The following COBLL1 variants were observed in gnomAD, a reference collection of about 807,000 sequenced individuals.
The protein encoded by COBLL1 is cordon-bleu protein-like 1.
Under a neutral mutation model 94.8 loss-of-function variants are expected in COBLL1, and 50 were observed. The observed-to-expected ratio is 0.53, with a 90% CI of 0.42 to 0.67. The LOEUF is 0.67. Among genes scored for constraint, COBLL1 ranks in the 30% least tolerant of loss-of-function variants. The pLI is 0.00. For missense variants in COBLL1, 1,362 were observed against 1,348.7 expected, an observed-to-expected ratio of 1.01 and a Z score of -0.15; for synonymous variants, 448 against 473.8, an observed-to-expected ratio of 0.95 and a Z score of 0.71.
intron 2 of COBLL1, among the ~76,000 whole-genome samples, chr2:164,818,215 T>C (rs1302261066): frequency 7.1e-6 from 1 of 141,650 alleles, no homozygotes; most frequent in South Asian, 2.1e-4. Flanking sequence ...TGTGTGTATA[T>C]ATACATATAT....
intron 2 of COBLL1, among the ~76,000 whole-genome samples, chr2:164,784,328 C>T (rs1688847583): frequency 6.6e-6 from 1 of 152,118 alleles, no homozygotes; most frequent in Admixed American, 6.6e-5. Flanking sequence ...TGTATATAAT[C>T]CTAGGTCGTT....
At chr2:164,754,400 GA>G (rs1558983449) in intron 2 of COBLL1, among the ~76,000 whole-genome samples, 1 of 152,114 alleles carries the variant, frequency 6.6e-6, no homozygotes, top group Non-Finnish European at 1.5e-5. Flanking sequence ...ATTAGGTTAC[GA>G]AAAGACCATG....
chr2:164,700,428 C>T, intron 10 of COBLL1, 94 bp downstream of exon 10: 1 of 759,500 alleles, frequency 1.3e-6, no homozygotes, highest in Non-Finnish European at 2.1e-6. Flanking sequence ...AAAGGGCTGA[C>T]TATATTTATG....
chr2:164,804,263 T>G (rs527784327), intron 2 of COBLL1, among the ~76,000 whole-genome samples: 15 of 152,112 alleles, frequency 9.9e-5, no homozygotes, highest in Non-Finnish European at 4.4e-5. Context: ...CTGGAGTCAT[T>G]CAGACCAGCA....
chr2:164,736,822 A>G (rs1291672400), intron 3 of COBLL1, among the ~76,000 whole-genome samples: 2 of 152,198 alleles, frequency 1.3e-5, no homozygotes, highest in Admixed American at 1.3e-4. Flanking sequence ...GTAAAAAAGA[A>G]GTGCACATAT....
chr2:164,771,580 A>G (rs1574557612), intron 2 of COBLL1, among the ~76,000 whole-genome samples: 1 of 152,076 alleles, frequency 6.6e-6, no homozygotes, highest in African/African-American at 2.4e-5. Context: ...GTTTCATGAC[A>G]TAATTGACAA....
At chr2:164,708,419 A>G (rs1684716796) in intron 7 of COBLL1, among the ~76,000 whole-genome samples, 1 of 152,210 alleles carries the variant, frequency 6.6e-6, no homozygotes, top group South Asian at 2.1e-4. Flanking sequence ...CGCTGCAACA[A>G]AAAGGTAAGA....
chr2:164,823,547 A>G lies in COBLL1; in HGVS notation c.41+17609T>C, dbSNP rs1685284805. 3.3e-5 allele frequency among the ~76,000 whole-genome samples: 5 copies of G among 152,216 alleles called. No individual in the cohort carries two copies. In the South Asian group the frequency reaches 1.0e-3, roughly 32 times the overall value. On this transcript the variant is annotated intron_variant, in intron 2 of 13. Transcript: ENST00000652658. ...ACTCCTCATGTGTCCAAGCTTCTCC[A>G]GTACAGCCTGGTGAGCACCAAGGCT...
intron 3 of COBLL1, among the ~76,000 whole-genome samples, chr2:164,730,360 G>C (rs914306001): frequency 8.6e-5 from 13 of 151,252 alleles, no homozygotes; most frequent in Admixed American, 3.3e-4. Context: ...AGCCTGCTGT[G>C]GTGGGTGTGT....
In COBLL1 at chr2:164,823,275, A is replaced by G. The variant is rs1013985121; in HGVS notation, c.41+17881T>C. Among the ~76,000 whole-genome samples the G allele has an allele frequency of 2.6e-5, 4 of 152,244 alleles. No individual in the cohort carries two copies. In the East Asian group the frequency reaches 7.7e-4, roughly 29 times the overall value. On this transcript the variant is annotated intron_variant, in intron 2 of 13. Coordinates refer to ENST00000652658, the MANE Select transcript of COBLL1 (RefSeq NM_001365672.2). ...ACAATTGGCTGCTAGTGACCAGCAC[A>G]GTATCTGACGCATTGTTTATTTAAC...
chr2:164,703,561 G>A, intron 9 of COBLL1: 1 of 409,580 alleles, frequency 2.4e-6, no homozygotes, highest in Non-Finnish European at 4.8e-6. Flanking sequence ...CTGAGAGTAA[G>A]ATTTAAAATC....
At chr2:164,751,908 G>A (rs1432599057) in intron 2 of COBLL1, among the ~76,000 whole-genome samples, 1 of 152,020 alleles carries the variant, frequency 6.6e-6, no homozygotes, top group Non-Finnish European at 1.5e-5. Flanking sequence ...TGTAATCTGT[G>A]GGACAGGACT....
intron 12 of COBLL1, 49 bp from the exon 13 acceptor site, chr2:164,692,446 G>A (rs1683667581): frequency 2.7e-6 from 4 of 1,488,562 alleles, no homozygotes; most frequent in Non-Finnish European, 3.6e-6. Context: ...GAAAAGAATG[G>A]GCCATTTTTT....
intron 3 of COBLL1, among the ~76,000 whole-genome samples, chr2:164,739,412 G>A (rs1413362422): frequency 6.6e-6 from 1 of 152,134 alleles, no homozygotes; most frequent in Non-Finnish European, 1.5e-5. Context: ...TCTATGGGGG[G>A]ACTTTCCAAA....
intron 1 of COBLL1, among the ~76,000 whole-genome samples, chr2:164,666,803 T>C (rs1009558535): frequency 6.6e-6 from 1 of 152,224 alleles, no homozygotes; most frequent in Non-Finnish European, 1.5e-5. Flanking sequence ...ATCTTCAGGC[T>C]CCACTTCTAA....
At chr2:164,814,329 G>T (rs565848867) in intron 2 of COBLL1, among the ~76,000 whole-genome samples, 2 of 151,964 alleles carry the variant, frequency 1.3e-5, no homozygotes, top group Middle Eastern at 3.4e-3. Context: ...ATCTAATAAG[G>T]TCTTAATAAA....
intron 2 of COBLL1, among the ~76,000 whole-genome samples, chr2:164,664,823 A>G (rs1293081717): frequency 6.6e-6 from 1 of 152,232 alleles, no homozygotes; most frequent in East Asian, 1.9e-4. Context: ...ATGGTCATTT[A>G]GTTCTCCTGA....
chr2:164,722,497 T>G lies in COBLL1; in HGVS notation c.687A>C (p.Leu229=). ...NRESCQISQN[L]DIMKEKENKG... ...TATTTTCTTTCTCCTTCATAATATC[T>G]AGGTTTTGTGATATTTGGCAGGACT... Residue 229 remains leucine, a synonymous_variant, in exon 6 of 14, where the codon CTA becomes CTC. Coordinates refer to ENST00000652658, the MANE Select transcript of COBLL1 (RefSeq NM_001365672.2). The G allele has an allele frequency of 6.6e-7, 1 of 1,515,458 alleles. No individual in the cohort carries two copies. Among genetic ancestry groups the G allele is most frequent in the Non-Finnish European group, 8.8e-7 (1 of 1,133,030 alleles). The allele number at this position is 1,515,458 out of a possible 1,614,324, so 93.9% of individuals were successfully genotyped here.
intron 2 of COBLL1, among the ~76,000 whole-genome samples, chr2:164,839,206 G>C (rs764034834): frequency 1.3e-5 from 2 of 152,184 alleles, no homozygotes; most frequent in African/African-American, 4.8e-5. Context: ...TTGAAAAGGG[G>C]ACGGCAAAAG....
Sources: allele counts gnomAD v4.1 joint callset (sites outside exome capture counted in the v4.1 genomes callset), GRCh38; gene constraint gnomAD v4.1.1; transcripts MANE v1.5; gene names NCBI Gene and HGNC (gene_info 2026-07-23, HGNC 2026-07-21).